The following ASCC3 variants were observed in gnomAD, a reference collection of about 807,000 sequenced individuals.
The protein encoded by ASCC3 is ASC-1 complex subunit P200.
In ASCC3, 158 loss-of-function variants were observed where a neutral mutation model predicts 256.3. The observed-to-expected ratio is 0.62, with a 90% CI of 0.54 to 0.70. The LOEUF (loss-of-function observed/expected upper bound fraction) is 0.70. ASCC3 is among the 30% of genes least tolerant of loss of function. The probability of loss-of-function intolerance (pLI) is 0.00; values close to 1 mark genes in which losing one functional copy is unlikely to be tolerated. For missense variants in ASCC3, 2,259 were observed against 2,626.0 expected (o/e 0.86, Z 3.05); for synonymous variants, 948 against 883.4 (o/e 1.07, Z -1.30).
intron 8 of ASCC3, among the ~76,000 whole-genome samples, chr6:100,769,083 A>C (rs1397320812): frequency 1.3e-5 from 2 of 152,066 alleles, no homozygotes; most frequent in Non-Finnish European, 2.9e-5. Flanking sequence ...CTAAACCAAT[A>C]CTTAGGGGAA....
At position 100,530,854 on chromosome 6, in the gene ASCC3, T is replaced by TA. The variant is rs1582397344; in HGVS notation, c.5775+9308dup. 2.4e-6 allele frequency: 3 copies of TA among 1,267,456 alleles called. No individual in the cohort carries two copies. The East Asian group carries it at 6.9e-5, about 29-fold the overall frequency. The allele number at this position is 1,267,456 out of a possible 1,614,324, so 78.5% of individuals were successfully genotyped here. On this transcript the variant is annotated intron_variant, in intron 37 of 41. Transcript: ENST00000369162. ...GTGCTTAATAGAAGATTTAAATTCT[T>TA]AGACTTATGGAATAAATTTTTGTGG...
intron 4 of ASCC3, among the ~76,000 whole-genome samples, chr6:100,835,048 T>C (rs899490751): frequency 6.7e-6 from 1 of 150,296 alleles, no homozygotes; most frequent in South Asian, 2.1e-4. Context: ...AAAAACCATA[T>C]AATGCATCAG....
chr6:100,578,859 C>T (rs1466136087), intron 36 of ASCC3, among the ~76,000 whole-genome samples: 1 of 152,030 alleles, frequency 6.6e-6, no homozygotes, highest in Non-Finnish European at 1.5e-5. Context: ...TCCACAATGG[C>T]TGAACTAATT....
chr6:100,532,398 A>ATG (rs1774947163), intron 37 of ASCC3, among the ~76,000 whole-genome samples: 1 of 46,396 alleles, frequency 2.2e-5, no homozygotes, highest in Non-Finnish European at 4.0e-5. Flanking sequence ...ATATATATAT[A>ATG]TATATATATT....
At chr6:100,827,710 G>A (rs1249913785) in intron 4 of ASCC3, among the ~76,000 whole-genome samples, 1 of 152,002 alleles carries the variant, frequency 6.6e-6, no homozygotes, top group South Asian at 2.1e-4. Context: ...AATGCTAACA[G>A]GATACTACTA....
chr6:100,826,039 T>C (rs1771290241), intron 4 of ASCC3, among the ~76,000 whole-genome samples: 1 of 152,086 alleles, frequency 6.6e-6, no homozygotes, highest in Admixed American at 6.5e-5. Context: ...AACAAAATGC[T>C]GACTACAAAC....
At chr6:100,518,812 C>T (rs1774161465) in intron 37 of ASCC3, among the ~76,000 whole-genome samples, 1 of 152,138 alleles carries the variant, frequency 6.6e-6, no homozygotes, top group African/African-American at 2.4e-5. Context: ...GAAGTTTACA[C>T]AGGCAAAGCT....
At chr6:100,677,362 AG>A (rs1777077426) in intron 14 of ASCC3, among the ~76,000 whole-genome samples, 1 of 151,142 alleles carries the variant, frequency 6.6e-6, no homozygotes, top group Admixed American at 6.6e-5. Context: ...CCATGCCCTA[AG>A]GTCTTCAGAA....
At chr6:100,527,753 ATCT>A (rs1411405176) in intron 37 of ASCC3, among the ~76,000 whole-genome samples, 1 of 152,000 alleles carries the variant, frequency 6.6e-6, no homozygotes. Flanking sequence ...ACATCGTTAT[ATCT>A]TCTTTTTCTT....
chr6:100,676,117 T>A (rs239201), intron 14 of ASCC3, among the ~76,000 whole-genome samples: 85,527 of 151,878 alleles, frequency 0.56, 24,309 homozygotes, highest in East Asian at 0.73. Flanking sequence ...TATACAAGTA[T>A]TAAATATGTA....
intron 11 of ASCC3, among the ~76,000 whole-genome samples, chr6:100,724,243 C>A (rs1475654493): frequency 6.9e-6 from 1 of 145,932 alleles, no homozygotes. Context: ...ACTGAGGAAA[C>A]AATGAGTAGT....
chr6:100,605,001 T>C (rs1772810498), intron 33 of ASCC3, among the ~76,000 whole-genome samples: 1 of 152,044 alleles, frequency 6.6e-6, no homozygotes, highest in Non-Finnish European at 1.5e-5. Flanking sequence ...GGGGTAGTGG[T>C]TACTGGGTCC....
intron 14 of ASCC3, 33 bp from the exon 15 acceptor site, chr6:100,662,569 A>C: frequency 6.3e-7 from 1 of 1,594,862 alleles, no homozygotes; most frequent in Non-Finnish European, 8.6e-7. Flanking sequence ...AGTATTATTT[A>C]GCATTTAAAA....
intron 10 of ASCC3, among the ~76,000 whole-genome samples, chr6:100,755,521 T>A (rs958037310): frequency 1.3e-5 from 2 of 151,906 alleles, no homozygotes; most frequent in African/African-American, 4.8e-5. Context: ...TAATTTTGTT[T>A]ATTGTCTTTA....
intron 25 of ASCC3, 134 bp downstream of exon 25, chr6:100,638,467 T>A (rs1281272717): frequency 4.3e-6 from 3 of 705,198 alleles, no homozygotes; most frequent in Admixed American, 5.4e-5. Flanking sequence ...TCTGTACTGA[T>A]CTGGTCCCCT....
At chr6:100,642,487 G>T in intron 24 of ASCC3, 94 bp downstream of exon 24, 1 of 1,310,484 alleles carries the variant, frequency 7.6e-7, no homozygotes, top group Non-Finnish European at 1.1e-6. Flanking sequence ...ATGATTACAA[G>T]TAAAACTTTA....
rs1287067139 is a variant in ASCC3 at position 100,718,306 on chromosome 6, AC to A, written c.1903-56del. On this transcript the variant is annotated intron_variant, in intron 11 of 41. Transcript: ENST00000369162. Reference sequence around the variant, plus strand: ...TTATTTAAATTAATTTAACCAAAAAACATTATAATTTGTCCTATTAATAGGA... The same window carrying A: ...TTATTTAAATTAATTTAACCAAAAAAATTATAATTTGTCCTATTAATAGGA... 10 of 1,443,742 alleles carry A rather than the reference AC, an allele frequency of 6.9e-6. No individual in the cohort carries two copies. The East Asian group carries it at 7.3e-5, about 11-fold the overall frequency. 89.4% of individuals were successfully genotyped at this position (1,443,742 alleles called of 1,614,324 possible).
chr6:100,722,468 AG>A (rs1463966281), intron 11 of ASCC3, among the ~76,000 whole-genome samples: 1 of 151,804 alleles, frequency 6.6e-6, no homozygotes, highest in African/African-American at 2.4e-5. Context: ...TGAAAAAGAA[AG>A]AAAAGAAACC....
rs138210210 is a variant in ASCC3 at position 100,597,177 on chromosome 6, G to A, written c.5303+4633C>T. Among the ~76,000 whole-genome samples the A allele has an allele frequency of 1.1e-3, 167 of 152,048 alleles. 1 individual carries two copies. Among genetic ancestry groups the A allele is most frequent in the Non-Finnish European group, 6.2e-4 (42 of 67,980 alleles). On this transcript the variant is annotated intron_variant, in intron 34 of 41. Coordinates refer to ENST00000369162, the MANE Select transcript of ASCC3 (RefSeq NM_006828.4). ...CCATCTCCCCCCAGGCCGCCTTCTG[G>A]CTCTCCCAATCTTCCTTATCCTGTT...
Sources: gnomAD v4.1 joint callset for allele counts (sites outside exome capture counted in the v4.1 genomes callset) on GRCh38, gnomAD v4.1.1 for gene constraint, MANE v1.5 for transcripts, NCBI Gene and HGNC (gene_info 2026-07-23, HGNC 2026-07-21) for gene names.